NKAIN2: variants seen among roughly 807,000 people sequenced by gnomAD.
The protein encoded by NKAIN2 is sodium/potassium-transporting ATPase subunit beta-1-interacting protein 2.
NKAIN2 carries 14 observed loss-of-function variants against 32.6 expected under a neutral mutation model. The observed-to-expected ratio is 0.43, with a 90% CI of 0.28 to 0.67. The LOEUF is 0.67. NKAIN2 is among the 30% of genes least tolerant of loss of function. NKAIN2 has a pLI of 0.17. For missense variants in NKAIN2, 198 were observed against 258.3 expected, an observed-to-expected ratio of 0.77 and a Z score of 1.60; for synonymous variants, 80 against 87.2, an observed-to-expected ratio of 0.92 and a Z score of 0.46.
intron 1 of NKAIN2, among the ~76,000 whole-genome samples, chr6:124,184,546 G>A (rs1457832770): frequency 6.6e-6 from 1 of 152,084 alleles, no homozygotes; most frequent in Non-Finnish European, 1.5e-5. Flanking sequence ...ACAGCACTGA[G>A]TATCCCTCAC....
chr6:123,997,839 G>A (rs980517341), intron 1 of NKAIN2, among the ~76,000 whole-genome samples: 45 of 152,038 alleles, frequency 3.0e-4, no homozygotes, highest in East Asian at 1.4e-3. Context: ...TTCTGACCTC[G>A]TGATCCTCCC....
intron 3 of NKAIN2, among the ~76,000 whole-genome samples, chr6:124,500,669 T>C (rs1335501290): frequency 6.7e-6 from 1 of 148,494 alleles, no homozygotes; most frequent in Non-Finnish European, 1.5e-5. Context: ...ATCAATCAAA[T>C]AAATAAATAA....
chr6:124,400,270 T>G (rs1773568464), intron 3 of NKAIN2, among the ~76,000 whole-genome samples: 1 of 152,038 alleles, frequency 6.6e-6, no homozygotes, highest in African/African-American at 2.4e-5. Flanking sequence ...AAACTTAAGT[T>G]GCCAATTGAT....
intron 3 of NKAIN2, among the ~76,000 whole-genome samples, chr6:124,448,046 A>G (rs373311202): frequency 3.9e-5 from 6 of 152,108 alleles, no homozygotes; most frequent in African/African-American, 1.4e-4. Context: ...AATGCTGCAT[A>G]CATTGGACTT....
chr6:124,513,677 G>A lies in NKAIN2; in HGVS notation c.274-144509G>A, dbSNP rs1179457815. 3.3e-5 allele frequency among the ~76,000 whole-genome samples: 5 copies of A among 152,270 alleles called. No individual in the cohort carries two copies. In the East Asian group the frequency reaches 5.8e-4, roughly 18 times the overall value. ...TTGGTGGGTTAAATGAAGTTTGAAAGCCAATAGTGGAAATATGTAATAGTA... is the reference window on the plus strand; with the variant it reads ...TTGGTGGGTTAAATGAAGTTTGAAAACCAATAGTGGAAATATGTAATAGTA... On this transcript the variant is annotated intron_variant, in intron 3 of 6. Coordinates refer to ENST00000368417, the MANE Select transcript of NKAIN2 (RefSeq NM_001040214.3).
At chr6:123,815,967 G>C (rs564114175) in intron 1 of NKAIN2, among the ~76,000 whole-genome samples, 34 of 152,060 alleles carry the variant, frequency 2.2e-4, no homozygotes, top group Non-Finnish European at 4.9e-4. Flanking sequence ...AAGAACTTAA[G>C]ATAATTAAGA....
intron 3 of NKAIN2, among the ~76,000 whole-genome samples, chr6:124,604,169 T>C (rs1782411203): frequency 6.6e-6 from 1 of 151,992 alleles, no homozygotes; most frequent in Non-Finnish European, 1.5e-5. Context: ...ACATACCCAC[T>C]GAGTTAGAAA....
chr6:124,412,226 T>A (rs633314), intron 3 of NKAIN2, among the ~76,000 whole-genome samples: 24,530 of 152,198 alleles, frequency 0.16, 2,273 homozygotes, highest in East Asian at 0.24. Context: ...GGTGAGGAGC[T>A]GTTCTTTTGG....
intron 3 of NKAIN2, among the ~76,000 whole-genome samples, chr6:124,636,419 T>C (rs1783775605): frequency 6.6e-6 from 1 of 151,228 alleles, no homozygotes; most frequent in Non-Finnish European, 1.5e-5. Context: ...GAAATGAAGA[T>C]CAGAACAGAA....
At chr6:124,182,869 G>C (rs1434261117) in intron 1 of NKAIN2, among the ~76,000 whole-genome samples, 1 of 152,144 alleles carries the variant, frequency 6.6e-6, no homozygotes, top group Non-Finnish European at 1.5e-5. Context: ...CAGATGAGAA[G>C]TCTGAAAATA....
At chr6:124,052,530 GT>G in intron 1 of NKAIN2, among the ~76,000 whole-genome samples, 1 of 152,084 alleles carries the variant, frequency 6.6e-6, no homozygotes, top group South Asian at 2.1e-4. Context: ...CTACTCTGTT[GT>G]TGTATAAAGG....
At chr6:123,814,967 G>A (rs912334419) in intron 1 of NKAIN2, among the ~76,000 whole-genome samples, 1 of 152,126 alleles carries the variant, frequency 6.6e-6, no homozygotes, top group Non-Finnish European at 1.5e-5. Context: ...TGAATAGTGG[G>A]AGGAAATTAA....
At chr6:124,596,194 T>C (rs1448529844) in intron 3 of NKAIN2, among the ~76,000 whole-genome samples, 1 of 152,106 alleles carries the variant, frequency 6.6e-6, no homozygotes, top group Non-Finnish European at 1.5e-5. Context: ...TGTCTGAATG[T>C]TGGGGTGGGG....
intron 3 of NKAIN2, among the ~76,000 whole-genome samples, chr6:124,420,675 TG>T (rs1367302528): frequency 6.6e-6 from 1 of 152,164 alleles, no homozygotes; most frequent in Non-Finnish European, 1.5e-5. Flanking sequence ...TGTTTGAGAT[TG>T]GCCAACTGTT....
At chr6:123,894,009 T>G (rs1774150136) in intron 1 of NKAIN2, among the ~76,000 whole-genome samples, 1 of 152,270 alleles carries the variant, frequency 6.6e-6, no homozygotes. Flanking sequence ...AAGTTTCTTC[T>G]GAATTTTATA....
Position 124,296,208 on chromosome 6 carries a change from T to A in NKAIN2, c.192+13066T>A, listed in dbSNP as rs571933508. ...TATATTAGAGTATAATGAACACAGT[T>A]TTTCTATGCTAGTTTGCTTTGAGTT... is the stretch of plus-strand genomic sequence containing the variant. On this transcript the variant is annotated intron_variant, in intron 2 of 6. Coordinates refer to ENST00000368417, the MANE Select transcript of NKAIN2 (RefSeq NM_001040214.3). Among the ~76,000 whole-genome samples, 16 of 152,180 alleles carry A rather than the reference T, an allele frequency of 1.1e-4. No individual in the cohort carries two copies. The South Asian group carries it at 2.9e-3, about 28-fold the overall frequency.
intron 1 of NKAIN2, among the ~76,000 whole-genome samples, chr6:124,273,578 T>A (rs775916696): frequency 2.0e-5 from 3 of 152,186 alleles, no homozygotes; most frequent in Non-Finnish European, 4.4e-5. Context: ...ACTAATTCTG[T>A]CAGATGACAT....
intron 3 of NKAIN2, among the ~76,000 whole-genome samples, chr6:124,596,206 A>G (rs1562275698): frequency 6.6e-6 from 1 of 152,094 alleles, no homozygotes; most frequent in Non-Finnish European, 1.5e-5. Flanking sequence ...GGGGTGGGGA[A>G]CACTGGGAAG....
chr6:123,926,812 G>A (rs1023239862), intron 1 of NKAIN2, among the ~76,000 whole-genome samples: 1 of 152,084 alleles, frequency 6.6e-6, no homozygotes, highest in Admixed American at 6.5e-5. Flanking sequence ...TAAACAGTTT[G>A]TATGGTCACT....
Sources: allele counts gnomAD v4.1 joint callset (sites outside exome capture counted in the v4.1 genomes callset), GRCh38; gene constraint gnomAD v4.1.1; transcripts MANE v1.5; gene names NCBI Gene and HGNC (gene_info 2026-07-23, HGNC 2026-07-21).